Variants in SMAGP observed in about 807,000 individuals in gnomAD.
SMAGP encodes small cell adhesion glycoprotein, also known as small cell transmembrane and glycosylated protein.
A neutral mutation model predicts 10.1 loss-of-function variants in SMAGP; 7 were observed. The ratio of observed to expected loss-of-function variants is 0.70; its 90% CI spans 0.40 to 1.31. The LOEUF is 1.31. Among genes scored for constraint, SMAGP ranks in the 50% most tolerant of loss-of-function variants. The pLI is 0.01. For missense variants in SMAGP, 113 were observed against 116.5 expected, an observed-to-expected ratio of 0.97 and a Z score of 0.14; for synonymous variants, 49 against 47.2, an observed-to-expected ratio of 1.04 and a Z score of -0.16.
intron 2 of SMAGP, among the ~76,000 whole-genome samples, chr12:51,251,020 TC>T (rs1414128869): frequency 2.0e-5 from 3 of 151,798 alleles, no homozygotes; most frequent in Non-Finnish European, 2.9e-5. Flanking sequence ...ATACAGTTGT[TC>T]CTAGTTTTGC....
chr12:51,264,627 TAAA>T (rs576531152), intron 2 of SMAGP, among the ~76,000 whole-genome samples: 11 of 101,094 alleles, frequency 1.1e-4, no homozygotes, highest in Non-Finnish European at 1.2e-4. Context: ...TCCCATCTCT[TAAA>T]AAAAAAAAAA....
chr12:51,246,414 T>C, intron 3 of SMAGP: 1 of 462,472 alleles, frequency 2.2e-6, no homozygotes, highest in Non-Finnish European at 3.8e-6. Context: ...GAACAGGAAA[T>C]GGCTTATCCT....
intron 2 of SMAGP, among the ~76,000 whole-genome samples, chr12:51,249,415 C>A (rs1174190845): frequency 6.6e-6 from 1 of 152,076 alleles, no homozygotes; most frequent in East Asian, 1.9e-4. Flanking sequence ...GGGCCCAGAC[C>A]TTGGCCTGTG....
rs1485307732 is a variant in SMAGP, at chr12:51,269,328, G to A, written c.-38-12C>T. The A allele has an allele frequency of 1.9e-6, 3 of 1,610,066 alleles. No homozygotes were observed. The highest frequency in any genetic ancestry group is 4.5e-5 in the East Asian group (2 of 44,872). ...GAGAAGAGGCAGATCTGTAGGAAGA[G>A]GGGCAAAGACAGGAATGTAGCGGGT... On this transcript the variant is annotated splice_polypyrimidine_tract_variant and intron_variant, in intron 1 of 3. Coordinates refer to ENST00000603798, the MANE Select transcript of SMAGP (RefSeq NM_001031628.2).
At chr12:51,265,290 T>C (rs1944964693) in intron 2 of SMAGP, among the ~76,000 whole-genome samples, 1 of 152,176 alleles carries the variant, frequency 6.6e-6, no homozygotes, top group African/African-American at 2.4e-5. Flanking sequence ...GTGCAGCTGC[T>C]GTGCAAACCT....
intron 1 of SMAGP, 115 bp downstream of exon 1, chr12:51,270,141 A>C (rs956489896): frequency 1.7e-4 from 26 of 152,176 alleles, no homozygotes; most frequent in African/African-American, 6.3e-4. Context: ...CCTCTGCCCC[A>C]GCGGAGCGCT....
intron 2 of SMAGP, among the ~76,000 whole-genome samples, chr12:51,248,900 CAA>C (rs545881552): frequency 0.025 from 2,330 of 94,698 alleles, 4 homozygotes; most frequent in African/African-American, 0.038. Context: ...AAAAATACCA[CAA>C]AAAAAAAAAA....
chr12:51,262,677 C>T (rs1203650839), intron 2 of SMAGP, among the ~76,000 whole-genome samples: 1 of 152,124 alleles, frequency 6.6e-6, no homozygotes, highest in Non-Finnish European at 1.5e-5. Flanking sequence ...AGATTGAAGG[C>T]CCCACCCAAG....
At chr12:51,249,670 T>C (rs1592232079) in intron 2 of SMAGP, among the ~76,000 whole-genome samples, 1 of 151,860 alleles carries the variant, frequency 6.6e-6, no homozygotes, top group Non-Finnish European at 1.5e-5. Flanking sequence ...CAGGCTGGAG[T>C]GCAGTGGCGC....
intron 2 of SMAGP, among the ~76,000 whole-genome samples, chr12:51,250,595 C>T (rs202224539): frequency 1.3e-5 from 2 of 151,224 alleles, no homozygotes; most frequent in African/African-American, 2.4e-5. Context: ...TGGCTCACTG[C>T]GGCCTCAACC....
In SMAGP at chr12:51,245,606, A is replaced by C. The variant is rs1008181207; in HGVS notation, c.*335T>G. ...AGGGGACAGAGTAGAGCAGCCAATG[A>C]CCTTAACTCAAAATCTTTTCTCTCC... On this transcript the variant is annotated 3_prime_UTR_variant, in exon 4 of 4. Transcript: ENST00000603798. 4.1e-6 allele frequency: 1 copy of C among 245,170 alleles called. No individual in the cohort carries two copies. The highest frequency in any genetic ancestry group is 4.8e-5 in the Admixed American group (1 of 20,992). 15.2% of individuals were successfully genotyped at this position (245,170 alleles called of 1,614,324 possible). A position where few individuals can be genotyped will look rare whatever the true frequency, so the allele number is the denominator to read the frequency against.
intron 2 of SMAGP, among the ~76,000 whole-genome samples, chr12:51,255,418 T>A (rs1944876353): frequency 6.6e-6 from 1 of 152,200 alleles, no homozygotes; most frequent in Non-Finnish European, 1.5e-5. Context: ...ATGCAGATTC[T>A]GATTCAGGAG....
intron 2 of SMAGP, among the ~76,000 whole-genome samples, chr12:51,250,948 C>T (rs1314477757): frequency 6.6e-6 from 1 of 151,812 alleles, no homozygotes; most frequent in African/African-American, 2.4e-5. Flanking sequence ...TTTCACCATG[C>T]ACTTTCCTCC....
chr12:51,249,515 C>T (rs1298741664), intron 2 of SMAGP, among the ~76,000 whole-genome samples: 1 of 152,158 alleles, frequency 6.6e-6, no homozygotes, highest in Non-Finnish European at 1.5e-5. Flanking sequence ...TGCTTGCTTG[C>T]TGGTGCAGAG....
chr12:51,246,604 C>CTCTGTGTG (rs148976171), intron 3 of SMAGP, 147 bp downstream of exon 3: 201 of 338,212 alleles, frequency 5.9e-4, no homozygotes, highest in African/African-American at 4.5e-3. Flanking sequence ...TCTTTTATGG[C>CTCTGTGTG]TGTGTGTGTG....
chr12:51,264,557 T>C (rs1944956631), intron 2 of SMAGP, among the ~76,000 whole-genome samples: 2 of 151,792 alleles, frequency 1.3e-5, no homozygotes, highest in South Asian at 4.2e-4. Context: ...GCCCAGATGT[T>C]TGGGTCTGTA....
chr12:51,270,050 C>T (rs556735731), intron 1 of SMAGP: 4 of 151,748 alleles, frequency 2.6e-5, no homozygotes, highest in Admixed American at 2.0e-4. Context: ...CCCGAGCCCC[C>T]CGCGTTACCA....
chr12:51,248,900 C>CAAAAAAAAAAAAAAAAAA (rs545881552), intron 2 of SMAGP, among the ~76,000 whole-genome samples: 1 of 95,620 alleles, frequency 1.0e-5, no homozygotes, highest in Non-Finnish European at 2.0e-5. Context: ...AAAAATACCA[C>CAAAAAAAAAAAAAAAAAA]AAAAAAAAAA....
chr12:51,269,114 G>A, intron 2 of SMAGP, 131 bp downstream of exon 2: 1 of 940,834 alleles, frequency 1.1e-6, no homozygotes, highest in Non-Finnish European at 1.7e-6. Flanking sequence ...TTCCTCCCAG[G>A]CCCTTCCTGT....
Sources: gnomAD v4.1 joint callset for allele counts (sites outside exome capture counted in the v4.1 genomes callset) on GRCh38, gnomAD v4.1.1 for gene constraint, MANE v1.5 for transcripts, NCBI Gene and HGNC (gene_info 2026-07-23, HGNC 2026-07-21) for gene names.